TLN2: variants seen among roughly 807,000 people sequenced by gnomAD.
The protein encoded by TLN2 is talin-2.
A neutral mutation model predicts 294.7 loss-of-function variants in TLN2; 118 were observed. The observed-to-expected ratio is 0.40, with a 90% CI of 0.34 to 0.47. TLN2 has a LOEUF of 0.47. TLN2 is among the 20% of genes least tolerant of loss of function. The pLI is 0.84. For synonymous variants in TLN2, 1,431 were observed against 1,304.5 expected (o/e 1.10, Z -2.09); for missense variants, 3,083 against 3,282.2 (o/e 0.94, Z 1.48).
At chr15:62,428,750 A>G (rs1211889707) in intron 1 of TLN2, among the ~76,000 whole-genome samples, 1 of 152,240 alleles carries the variant, frequency 6.6e-6, no homozygotes, top group Non-Finnish European at 1.5e-5. Context: ...TGGGAAAAGT[A>G]TACTGATGCA....
intron 31 of TLN2, 62 bp from the exon 32 acceptor site, chr15:62,740,568 C>T: frequency 1.2e-6 from 2 of 1,604,356 alleles, no homozygotes; most frequent in South Asian, 2.2e-5. Flanking sequence ...TCCTAGCTCT[C>T]TGAATGCCTC....
chr15:62,723,791 C>T (rs2060284902), intron 26 of TLN2, among the ~76,000 whole-genome samples: 1 of 150,368 alleles, frequency 6.7e-6, no homozygotes, highest in African/African-American at 2.4e-5. Flanking sequence ...CTCAAGTAAT[C>T]CTCCCACTTG....
At chr15:62,527,895 C>T (rs955090492) in intron 1 of TLN2, among the ~76,000 whole-genome samples, 4 of 152,146 alleles carry the variant, frequency 2.6e-5, no homozygotes, top group Non-Finnish European at 4.4e-5. Flanking sequence ...GATAGATTTC[C>T]TCCTAGTCTT....
chr15:62,551,436 C>T (rs991916392), intron 1 of TLN2, among the ~76,000 whole-genome samples: 3 of 151,884 alleles, frequency 2.0e-5, no homozygotes, highest in Non-Finnish European at 4.4e-5. Context: ...CGTTGGGAGG[C>T]CGAGACAGGC....
intron 14 of TLN2, among the ~76,000 whole-genome samples, chr15:62,696,191 C>G (rs2058320271): frequency 6.6e-6 from 1 of 152,190 alleles, no homozygotes; most frequent in Admixed American, 6.5e-5. Flanking sequence ...GCTATCGAGC[C>G]TTGCTCTGGG....
chr15:62,499,859 TC>T (rs2039214432), intron 1 of TLN2, among the ~76,000 whole-genome samples: 1 of 151,916 alleles, frequency 6.6e-6, no homozygotes, highest in African/African-American at 2.4e-5. Context: ...CGCCTGGACT[TC>T]CCAAAGTGGT....
At chr15:62,616,305 T>C (rs550378986) in intron 2 of TLN2, among the ~76,000 whole-genome samples, 1 of 152,334 alleles carries the variant, frequency 6.6e-6, no homozygotes, top group East Asian at 1.9e-4. Context: ...TCATGTCTGT[T>C]TTATTTGTCC....
chr15:62,432,844 C>T (rs1387851364), intron 1 of TLN2, among the ~76,000 whole-genome samples: 2 of 152,088 alleles, frequency 1.3e-5, no homozygotes, highest in African/African-American at 2.4e-5. Context: ...GTGAAACATG[C>T]TGACTCCAGA....
intron 1 of TLN2, among the ~76,000 whole-genome samples, chr15:62,485,564 G>C (rs1370855991): frequency 6.6e-6 from 1 of 152,208 alleles, no homozygotes; most frequent in Non-Finnish European, 1.5e-5. Flanking sequence ...TGTGCTCTGA[G>C]AGCTTGACCT....
intron 1 of TLN2, among the ~76,000 whole-genome samples, chr15:62,478,507 G>C (rs1021527703): frequency 1.3e-5 from 2 of 152,106 alleles, no homozygotes; most frequent in Admixed American, 1.3e-4. Context: ...AAGAGAGAAA[G>C]GGTGTGTTCA....
At position 62,727,793 on chromosome 15, in the gene TLN2, A is replaced by G. The variant is rs145181911; in HGVS notation, c.3358+604A>G. 1.2e-3 allele frequency among the ~76,000 whole-genome samples: 176 copies of G among 152,362 alleles called. No individual in the cohort carries two copies. The East Asian group carries it at 0.015, about 13-fold the overall frequency. On this transcript the variant is annotated intron_variant, in intron 28 of 58. Coordinates refer to ENST00000636159, the MANE Select transcript of TLN2 (RefSeq NM_015059.3). ...TTATTGTGGTAGGAAGTCTATACAT[A>G]TCTCAAATTTTAAAACCAAGAGGTT...
intron 50 of TLN2, among the ~76,000 whole-genome samples, chr15:62,803,049 T>G (rs887434092): frequency 3.3e-5 from 5 of 152,230 alleles, no homozygotes; most frequent in African/African-American, 1.2e-4. Flanking sequence ...GTGCAAAAGC[T>G]TTTTAACTTG....
chr15:62,467,386 T>G (rs2037196800), intron 1 of TLN2, among the ~76,000 whole-genome samples: 1 of 152,188 alleles, frequency 6.6e-6, no homozygotes, highest in East Asian at 1.9e-4. Flanking sequence ...ACTCAGGTAA[T>G]ATGGAAGACA....
chr15:62,421,150 C>T (rs189132796), intron 1 of TLN2, among the ~76,000 whole-genome samples: 68 of 152,296 alleles, frequency 4.5e-4, no homozygotes, highest in African/African-American at 1.6e-3. Context: ...CTCCCTTCCT[C>T]ACCAGTTCAT....
chr15:62,693,004 G>T, intron 13 of TLN2, 63 bp downstream of exon 13: 1 of 1,418,134 alleles, frequency 7.1e-7, no homozygotes, highest in South Asian at 1.2e-5. Context: ...TGGTTTCGAT[G>T]ACGTGGCTAC....
intron 46 of TLN2, among the ~76,000 whole-genome samples, chr15:62,794,832 G>C (rs2065347684): frequency 1.3e-5 from 2 of 152,292 alleles, no homozygotes; most frequent in South Asian, 4.1e-4. Context: ...CATGCCTCTT[G>C]CTGGCACGGT....
At position 62,756,157 on chromosome 15, in the gene TLN2, C is replaced by G. The variant is rs117498498; in HGVS notation, c.4638+464C>G. 9.4e-3 allele frequency among the ~76,000 whole-genome samples: 1,430 copies of G among 152,332 alleles called. 7 individuals carry two copies. The highest frequency in any genetic ancestry group is 0.017 in the Middle Eastern group (5 of 294). On this transcript the variant is annotated intron_variant, in intron 37 of 58. Transcript: ENST00000636159. Reference sequence around the variant, plus strand: ...AGGGAATGGGAGATTGTGGAAAAATCACTTAAAACATTTTCATCATTCCTG... The same window carrying G: ...AGGGAATGGGAGATTGTGGAAAAATGACTTAAAACATTTTCATCATTCCTG...
At chr15:62,423,489 A>C (rs955167149) in intron 1 of TLN2, among the ~76,000 whole-genome samples, 1 of 152,190 alleles carries the variant, frequency 6.6e-6, no homozygotes, top group Non-Finnish European at 1.5e-5. Flanking sequence ...GTGTCTTGCA[A>C]ATGTGCGTGA....
chr15:62,579,584 C>T (rs191380461), intron 1 of TLN2, among the ~76,000 whole-genome samples: 3 of 152,260 alleles, frequency 2.0e-5, no homozygotes, highest in South Asian at 2.1e-4. Flanking sequence ...TGTTGGCTCA[C>T]GGCATCAGGC....
Sources: gnomAD v4.1 joint callset for allele counts (sites outside exome capture counted in the v4.1 genomes callset) on GRCh38, gnomAD v4.1.1 for gene constraint, MANE v1.5 for transcripts, NCBI Gene and HGNC (gene_info 2026-07-23, HGNC 2026-07-21) for gene names.